Variants in ADCY3 observed in about 807,000 individuals in gnomAD.
ADCY3 encodes the protein adenylate cyclase 3, also known as adenylate cyclase type 3.
A neutral mutation model predicts 119.4 loss-of-function variants in ADCY3; 70 were observed. The ratio of observed to expected loss-of-function variants is 0.59; its 90% CI spans 0.48 to 0.72. ADCY3 has a LOEUF of 0.72. ADCY3 is among the 30% of genes least tolerant of loss of function. The pLI is 0.00. For missense variants in ADCY3, 1,238 were observed against 1,541.6 expected, an observed-to-expected ratio of 0.80 and a Z score of 3.30; for synonymous variants, 672 against 621.4, an observed-to-expected ratio of 1.08 and a Z score of -1.21.
At chr2:24,887,888 C>T (rs1677248239) in intron 2 of ADCY3, among the ~76,000 whole-genome samples, 1 of 152,190 alleles carries the variant, frequency 6.6e-6, no homozygotes, top group Non-Finnish European at 1.5e-5. Context: ...ATACACAATA[C>T]ATCTAAGTGT....
intron 2 of ADCY3, among the ~76,000 whole-genome samples, chr2:24,901,055 G>A (rs952411843): frequency 2.0e-5 from 3 of 152,172 alleles, no homozygotes; most frequent in Non-Finnish European, 4.4e-5. Context: ...ACAACAGTGA[G>A]ACTCCGTCTC....
intron 3 of ADCY3, among the ~76,000 whole-genome samples, chr2:24,852,134 C>A (rs931199760): frequency 3.3e-5 from 5 of 152,198 alleles, no homozygotes; most frequent in African/African-American, 9.7e-5. Context: ...CTCCATGCCA[C>A]CTGGGCGTGG....
chr2:24,822,471 G>C (rs776999333), intron 19 of ADCY3, 40 bp downstream of exon 19: 1,014 of 1,601,604 alleles, frequency 6.3e-4, no homozygotes, highest in Non-Finnish European at 7.8e-4. Flanking sequence ...TCTTGCCTTG[G>C]GGGCAGAGCC....
chr2:24,840,651 T>C (rs1178200380), intron 6 of ADCY3: 1 of 411,792 alleles, frequency 2.4e-6, no homozygotes. Context: ...TGGTGCCTGA[T>C]GTCACCCCGG....
At chr2:24,871,412 G>C (rs1674995737) in intron 3 of ADCY3, among the ~76,000 whole-genome samples, 1 of 152,170 alleles carries the variant, frequency 6.6e-6, no homozygotes, top group South Asian at 2.1e-4. Flanking sequence ...CCTCCTATGG[G>C]GGCCTTCTGT....
Position 24,849,417 on chromosome 2 carries a change from C to T in ADCY3, c.826-7033G>A, listed in dbSNP as rs190875485. Among the ~76,000 whole-genome samples the T allele has an allele frequency of 1.1e-3, 162 of 152,266 alleles. 1 individual carries two copies. The highest frequency in any genetic ancestry group is 3.3e-3 in the African/African-American group (139 of 41,546). The stretch of plus-strand genomic sequence containing the variant: ...GCCCTGGAGCCCAAAACAGGAGCCT[C>T]GGAAGGGCCACATGAGTGAAGCGGC... On this transcript the variant is annotated intron_variant, in intron 3 of 21. Coordinates refer to ENST00000679454, the MANE Select transcript of ADCY3 (RefSeq NM_004036.5).
intron 2 of ADCY3, among the ~76,000 whole-genome samples, chr2:24,877,040 A>G (rs937099309): frequency 1.3e-5 from 2 of 152,116 alleles, no homozygotes; most frequent in Non-Finnish European, 2.9e-5. Context: ...GCTCCTGTCC[A>G]CCTGGGAGCC....
In ADCY3 at chr2:24,842,547, T is replaced by C. The variant is rs1671144753; in HGVS notation, c.826-163A>G. On this transcript the variant is annotated intron_variant, in intron 3 of 21. Transcript: ENST00000679454. The surrounding 1 kb of genome is among the most constrained non-coding windows in gnomAD (Gnocchi z 4.9). ...GATCTGCCTCGGGAGCAGCCAGGGG[T>C]CTGGGACAGGCAGCTTCTGGCCCTG... 1 of 912,860 alleles carries C rather than the reference T, an allele frequency of 1.1e-6. No individual in the cohort carries two copies. The highest frequency in any genetic ancestry group is 1.6e-6 in the Non-Finnish European group (1 of 617,388). 56.5% of individuals were successfully genotyped at this position (912,860 alleles called of 1,614,324 possible). A position where few individuals can be genotyped will look rare whatever the true frequency, so the allele number is the denominator to read the frequency against.
At chr2:24,914,670 T>A (rs1188665877) in intron 2 of ADCY3, among the ~76,000 whole-genome samples, 7 of 122,004 alleles carry the variant, frequency 5.7e-5, no homozygotes, top group African/African-American at 2.4e-4. Flanking sequence ...AATGAAACTC[T>A]GTCTCAAAAA....
At chr2:24,915,223 C>T (rs1260894248) in intron 2 of ADCY3, among the ~76,000 whole-genome samples, 1 of 152,246 alleles carries the variant, frequency 6.6e-6, no homozygotes, top group Non-Finnish European at 1.5e-5. Context: ...TCATCCCCCA[C>T]TGACCCTGGA....
rs985944507 is a variant in ADCY3 at position 24,836,782 on chromosome 2, G to A, written c.1662+135C>T. 4.2e-5 allele frequency: 56 copies of A among 1,339,134 alleles called. No homozygotes were observed. In the African/African-American group the frequency reaches 7.8e-4, roughly 19 times the overall value. 83.0% of individuals were successfully genotyped at this position (1,339,134 alleles called of 1,614,324 possible). ...GAGGGGTGACCTGTCCATGGTTACAGTGCTAAGCAGGAGCAGGTCCTGGGT... is the reference window on the plus strand; with the variant it reads ...GAGGGGTGACCTGTCCATGGTTACAATGCTAAGCAGGAGCAGGTCCTGGGT... On this transcript the variant is annotated intron_variant, in intron 9 of 21. Coordinates refer to ENST00000679454, the MANE Select transcript of ADCY3 (RefSeq NM_004036.5).
intron 6 of ADCY3, 85 bp from the exon 7 acceptor site, chr2:24,840,116 T>C (rs1490653684): frequency 3.3e-6 from 5 of 1,514,802 alleles, no homozygotes; most frequent in Admixed American, 1.9e-5. Flanking sequence ...AGAAATTCAT[T>C]GTGGGCCTCT....
intron 17 of ADCY3, 126 bp from the exon 18 acceptor site, chr2:24,823,481 A>T: frequency 3.4e-5 from 29 of 854,676 alleles, no homozygotes; most frequent in Non-Finnish European, 4.8e-5. Flanking sequence ...CATCAGTCAG[A>T]TTATTCCAGC....
In ADCY3 at chr2:24,824,521, G is replaced by A. The variant is rs1270400134; in HGVS notation, c.2593C>T (p.Arg865Trp). 1.2e-6 allele frequency: 2 copies of A among 1,614,134 alleles called. No homozygotes were observed. Among genetic ancestry groups the A allele is most frequent in the Non-Finnish European group, 1.7e-6 (2 of 1,179,982 alleles). The change falls in exon 17 of 22, where the codon CGG (arginine) becomes TGG (tryptophan). Residue 865 changes from arginine to tryptophan, a missense_variant. Arg to Trp is a moderately radical substitution (Grantham distance 101, BLOSUM62 -3). This residue lies in a region of ADCY3 where 499 missense variants were observed against 571.0 expected (regional missense o/e 0.87). Transcript: ENST00000679454. ...TCAATCTTCCACAAGAAAAGTGTCC[G>A]TGCCAGTTTTTCTACCTACAGACAC... ...YFSRHVEKLA[R>W]TLFLWKIEVH...
intron 2 of ADCY3, among the ~76,000 whole-genome samples, chr2:24,883,481 C>T (rs1278254170): frequency 6.6e-6 from 1 of 152,248 alleles, no homozygotes; most frequent in Admixed American, 6.5e-5. Flanking sequence ...GGAGTTTTCA[C>T]ATGTTCTGAA....
intron 18 of ADCY3, among the ~76,000 whole-genome samples, chr2:24,822,893 C>T (rs1188208073): frequency 6.6e-6 from 1 of 152,144 alleles, no homozygotes; most frequent in African/African-American, 2.4e-5. Flanking sequence ...AGCATTCTCC[C>T]TGGTATACAG....
At chr2:24,873,353 A>C (rs1198429563) in intron 2 of ADCY3, among the ~76,000 whole-genome samples, 1 of 152,170 alleles carries the variant, frequency 6.6e-6, no homozygotes, top group Non-Finnish European at 1.5e-5. Flanking sequence ...CCAGCAGGTG[A>C]GGGGTGCCCA....
At chr2:24,853,006 GTGTGTGTGTGTGTGT>G (rs1195776154) in intron 3 of ADCY3, among the ~76,000 whole-genome samples, 6 of 85,450 alleles carry the variant, frequency 7.0e-5, no homozygotes, top group Non-Finnish European at 6.1e-5. Flanking sequence ...CAGCTGGAGG[GTGTGTGTGTGTGTGT>G]GTGTGTGTGT....
At chr2:24,824,220 C>G (rs557475410) in intron 17 of ADCY3, among the ~76,000 whole-genome samples, 158 bp downstream of exon 17, 39 of 152,360 alleles carry the variant, frequency 2.6e-4, no homozygotes, top group African/African-American at 7.5e-4. Context: ...CGGAGAAATT[C>G]CTCTTTTGCT....
Sources: gnomAD v4.1 joint callset for allele counts (sites outside exome capture counted in the v4.1 genomes callset) on GRCh38, gnomAD v4.1.1 for gene constraint, gnomAD v4.1.1 regional missense constraint, Gnocchi (gnomAD v3.1) non-coding constraint, MANE v1.5 for transcripts, NCBI Gene and HGNC (gene_info 2026-07-23, HGNC 2026-07-21) for gene names.